GATA4: variants seen among roughly 807,000 people sequenced by gnomAD.
The protein encoded by GATA4 is GATA binding protein 4, also known as transcription factor GATA-4.
Under a neutral mutation model 37.9 loss-of-function variants are expected in GATA4, and 7 were observed. That is an observed-to-expected ratio of 0.18 (90% CI 0.11 to 0.35). The LOEUF is 0.35. Among genes scored for constraint, GATA4 ranks in the 10% least tolerant of loss-of-function variants. The pLI, the probability that GATA4 is intolerant of heterozygous loss-of-function variation, is 1.00. For missense variants in GATA4, 647 were observed against 653.0 expected, an observed-to-expected ratio of 0.99 and a Z score of 0.10; for synonymous variants, 372 against 292.6, an observed-to-expected ratio of 1.27 and a Z score of -2.77.
At position 11,710,495 on chromosome 8, in the gene GATA4, C is replaced by T. The variant is rs1164536905; in HGVS notation, c.616+1567C>T. Among the ~76,000 whole-genome samples the T allele has an allele frequency of 3.3e-5, 5 of 150,168 alleles. No individual in the cohort carries two copies. In the East Asian group the frequency reaches 9.8e-4, roughly 30 times the overall value. ...AGGAGATCGAGACCATCCTGGCCAA[C>T]CTGTTGAAACCCCGCCTCTACTAAA... On this transcript the variant is annotated intron_variant, in intron 2 of 6. Coordinates refer to ENST00000532059, the MANE Select transcript of GATA4 (RefSeq NM_001308093.3).
intron 2 of GATA4, among the ~76,000 whole-genome samples, chr8:11,742,400 TTC>T (rs1348089831): frequency 0.1 from 13,121 of 128,978 alleles, 658 homozygotes; most frequent in Middle Eastern, 0.15. Context: ...TTTTTTTCCT[TTC>T]CCTTTCCCTT....
At position 11,709,323 on chromosome 8, in the gene GATA4, C is replaced by T. The variant is rs567870622; in HGVS notation, c.616+395C>T. Among the ~76,000 whole-genome samples the T allele has an allele frequency of 1.3e-5, 2 of 152,332 alleles. No individual in the cohort carries two copies. The highest frequency in any genetic ancestry group is 3.9e-4 in the East Asian group (2 of 5,170). On this transcript the variant is annotated intron_variant, in intron 2 of 6. Transcript: ENST00000532059. This position sits in a 1 kb window ranked among gnomAD's most constrained non-coding sequence, Gnocchi z 4.3. ...TGCTGGAGATTGCTGAGTTTCTGCG[C>T]CCCTTTCCTCCCCGCCCGCCCTCGG...
chr8:11,750,749 A>G (rs1385954806), intron 4 of GATA4, among the ~76,000 whole-genome samples: 1 of 145,706 alleles, frequency 6.9e-6, no homozygotes, highest in Non-Finnish European at 1.5e-5. Context: ...CCTGGACAAC[A>G]TGGTGAAACT....
chr8:11,688,764 A>T (rs1337968934), upstream of GATA4, among the ~76,000 whole-genome samples: 1 of 152,220 alleles, frequency 6.6e-6, no homozygotes, highest in Non-Finnish European at 1.5e-5. Context: ...GTGTTAGGAA[A>T]ATTCATAGGC....
chr8:11,746,530 G>T (rs1359997171), intron 2 of GATA4, among the ~76,000 whole-genome samples: 1 of 152,198 alleles, frequency 6.6e-6, no homozygotes, highest in Non-Finnish European at 1.5e-5. Flanking sequence ...TGTTTATTGC[G>T]AACACCCAAC....
chr8:11,709,070 C>A lies in GATA4; in HGVS notation c.616+142C>A. The A allele has an allele frequency of 2.2e-6, 2 of 898,862 alleles. No homozygotes were observed. Among genetic ancestry groups the A allele is most frequent in the Non-Finnish European group, 3.1e-6 (2 of 642,224 alleles). 55.7% of individuals were successfully genotyped at this position (898,862 alleles called of 1,614,324 possible). On this transcript the variant is annotated intron_variant, in intron 2 of 6. Coordinates refer to ENST00000532059, the MANE Select transcript of GATA4 (RefSeq NM_001308093.3). This position sits in a 1 kb window ranked among gnomAD's most constrained non-coding sequence, Gnocchi z 4.3. ...CACTACCTCGAGTTTCTAGGGAAGG[C>A]AGAAGCCAGTGCGGGGCTGGCGACA... is the stretch of plus-strand genomic sequence containing the variant.
chr8:11,715,600 G>C (rs934201204), intron 2 of GATA4, among the ~76,000 whole-genome samples: 1 of 152,202 alleles, frequency 6.6e-6, no homozygotes, highest in South Asian at 2.1e-4. Context: ...AATTAGCTGG[G>C]CATGGTGGCA....
At chr8:11,731,638 C>T (rs1001543192) in intron 2 of GATA4, among the ~76,000 whole-genome samples, 5 of 152,188 alleles carry the variant, frequency 3.3e-5, no homozygotes, top group Admixed American at 6.5e-5. Flanking sequence ...CAGTTTTGCA[C>T]GATGAAAACA....
At chr8:11,689,522 T>G (rs1266328575), upstream of GATA4, among the ~76,000 whole-genome samples, 2 of 152,188 alleles carry the variant, frequency 1.3e-5, no homozygotes, top group Non-Finnish European at 2.9e-5. Flanking sequence ...TTTGTTTATT[T>G]TGAAGGCTGA....
At chr8:11,690,248 CA>C (rs1401049980), upstream of GATA4, among the ~76,000 whole-genome samples, 1 of 152,238 alleles carries the variant, frequency 6.6e-6, no homozygotes, top group Non-Finnish European at 1.5e-5. Context: ...GTGTCTCAGC[CA>C]CAGCCCTGAT....
rs1427418336 is a variant in GATA4, at chr8:11,680,969, G to T, written c.-274+3906G>T. ...CTGTGTCCCCCAGGTTAGGCTGCTG[G>T]TATCTCAATATCCCCCTGCAGAGAG... On this transcript the variant is annotated intron_variant, in intron 1 of 6. Transcript: ENST00000528712. 6 of 981,904 alleles carry T rather than the reference G, an allele frequency of 6.1e-6. No individual in the cohort carries two copies. The South Asian group carries it at 1.4e-4, about 23-fold the overall frequency. 60.8% of individuals were successfully genotyped at this position (981,904 alleles called of 1,614,324 possible). A position where few individuals can be genotyped will look rare whatever the true frequency, so the allele number is the denominator to read the frequency against.
intron 2 of GATA4, among the ~76,000 whole-genome samples, chr8:11,744,813 A>G (rs1184192378): frequency 1.3e-5 from 2 of 152,156 alleles, no homozygotes; most frequent in Non-Finnish European, 2.9e-5. Flanking sequence ...CTGTTTTGGT[A>G]ACCCCTGACC....
At chr8:11,687,162 G>A (rs1799162949) in intron 1 of GATA4, among the ~76,000 whole-genome samples, 1 of 152,168 alleles carries the variant, frequency 6.6e-6, no homozygotes, top group Non-Finnish European at 1.5e-5. Context: ...GGAGGGAAGA[G>A]ATTTCCCTTG....
At position 11,755,030 on chromosome 8, in the gene GATA4, A is replaced by G. The variant is rs1802484971; in HGVS notation, c.913-16A>G. 6.2e-7 allele frequency: 1 copy of G among 1,604,720 alleles called. No homozygotes were observed. The highest frequency in any genetic ancestry group is 8.5e-7 in the Non-Finnish European group (1 of 1,171,664). ...CAGAAATGGAAAACCCTATATATTT[A>G]CTTGTGACCCTCCAGGTCCCCAGGC... On this transcript the variant is annotated splice_polypyrimidine_tract_variant and intron_variant, in intron 4 of 6. Transcript: ENST00000532059.
At chr8:11,747,409 G>T (rs1015821571) in intron 2 of GATA4, among the ~76,000 whole-genome samples, 2 of 152,188 alleles carry the variant, frequency 1.3e-5, no homozygotes, top group African/African-American at 4.8e-5. Flanking sequence ...GAAGGGAGCG[G>T]CAGACCCCGG....
chr8:11,697,886 C>T, intron 1 of GATA4: 2 of 985,462 alleles, frequency 2.0e-6, no homozygotes, highest in Non-Finnish European at 1.2e-6. Flanking sequence ...CGAGCTGGCT[C>T]AGGGAATGCC....
At chr8:11,755,943 C>A (rs868755106) in intron 5 of GATA4, among the ~76,000 whole-genome samples, 1 of 148,964 alleles carries the variant, frequency 6.7e-6, no homozygotes, top group African/African-American at 2.5e-5. Context: ...TTAAAAAGAA[C>A]GAGGGCTGTT....
upstream of GATA4, among the ~76,000 whole-genome samples, chr8:11,690,360 G>A (rs575177463): frequency 6.6e-6 from 1 of 152,206 alleles, no homozygotes; most frequent in African/African-American, 2.4e-5. Flanking sequence ...TTTAAAAAAT[G>A]TCTACTATAT....
chr8:11,680,808 C>G (rs1443378330), intron 1 of GATA4: 6 of 985,270 alleles, frequency 6.1e-6, no homozygotes, highest in Non-Finnish European at 7.2e-6. Flanking sequence ...CTGCTCACCC[C>G]GACGCCTCGG....
Sources: gnomAD v4.1 joint callset for allele counts (sites outside exome capture counted in the v4.1 genomes callset) on GRCh38, gnomAD v4.1.1 for gene constraint, Gnocchi (gnomAD v3.1) non-coding constraint, MANE v1.5 for transcripts, NCBI Gene and HGNC (gene_info 2026-07-23, HGNC 2026-07-21) for gene names.